The following GALNT17 variants were observed in gnomAD, a reference collection of about 807,000 sequenced individuals.
GALNT17 encodes the protein polypeptide N-acetylgalactosaminyltransferase 17.
In GALNT17, 29 loss-of-function variants were observed where a neutral mutation model predicts 63.7. The observed-to-expected ratio is 0.46, with a 90% CI of 0.34 to 0.62. The LOEUF is 0.62. Ranked by LOEUF, GALNT17 falls within the 20% of genes least tolerant of loss-of-function variation. The pLI, the probability that GALNT17 is intolerant of heterozygous loss-of-function variation, is 0.01. For synonymous variants in GALNT17, 305 were observed against 318.3 expected (o/e 0.96, Z 0.45); for missense variants, 603 against 799.6 (o/e 0.75, Z 2.97).
At chr7:71,608,936 C>T (rs1347192467) in intron 6 of GALNT17, among the ~76,000 whole-genome samples, 1 of 145,360 alleles carries the variant, frequency 6.9e-6, no homozygotes, top group Non-Finnish European at 1.5e-5. Flanking sequence ...CTTACCACCA[C>T]TCCCAGCTAA....
chr7:71,677,429 A>T (rs1292266828), intron 9 of GALNT17, 123 bp downstream of exon 9: 2 of 928,238 alleles, frequency 2.2e-6, no homozygotes, highest in Admixed American at 2.7e-5. Context: ...TCTGAGAAAA[A>T]TTTTTAAGAA....
At chr7:71,537,387 G>A (rs1383070588) in intron 5 of GALNT17, among the ~76,000 whole-genome samples, 2 of 152,124 alleles carry the variant, frequency 1.3e-5, no homozygotes, top group Admixed American at 1.3e-4. Context: ...GAAAGAGGAG[G>A]GCTTCGCAGA....
intron 5 of GALNT17, among the ~76,000 whole-genome samples, chr7:71,520,752 G>T (rs970900593): frequency 6.6e-6 from 1 of 152,140 alleles, no homozygotes; most frequent in African/African-American, 2.4e-5. Flanking sequence ...TAGGCTTGAG[G>T]TGGGAGGGCA....
At chr7:71,636,063 C>G (rs1182051062) in intron 6 of GALNT17, among the ~76,000 whole-genome samples, 1 of 152,190 alleles carries the variant, frequency 6.6e-6, no homozygotes, top group Non-Finnish European at 1.5e-5. Flanking sequence ...TTTACCCAGC[C>G]CCTATTCAAG....
intron 1 of GALNT17, among the ~76,000 whole-genome samples, chr7:71,247,971 A>C (rs1436651702): frequency 6.6e-5 from 10 of 152,226 alleles, no homozygotes; most frequent in Admixed American, 5.9e-4. Context: ...CATCGCCTTC[A>C]CATTGAGTAG....
rs531425725 is a variant in GALNT17 at position 71,602,601 on chromosome 7, T to A, written c.1080+31199T>A. Among the ~76,000 whole-genome samples the A allele has an allele frequency of 3.9e-5, 6 of 152,266 alleles. No individual in the cohort carries two copies. The South Asian group carries it at 1.2e-3, about 32-fold the overall frequency. On this transcript the variant is annotated intron_variant, in intron 6 of 10. Transcript: ENST00000333538. ...GTTTTGCTTCTGCACCCTCTCTCTC[T>A]CTCCCTCTGCAGCTTCTGGGGGATA...
At chr7:71,255,729 T>G (rs539519823) in intron 1 of GALNT17, among the ~76,000 whole-genome samples, 1 of 152,274 alleles carries the variant, frequency 6.6e-6, no homozygotes, top group Non-Finnish European at 1.5e-5. Flanking sequence ...CTGGGGCTTT[T>G]TCAGGGGAGC....
In GALNT17 at chr7:71,261,077, C is replaced by T. The variant is rs148277448; in HGVS notation, c.239-74473C>T. ...TGTGTGCACTTTGGAAGCCCTTGGACAGTTGGAGAAGTCCCCATGCTCAGG... is the reference window on the plus strand; with the variant it reads ...TGTGTGCACTTTGGAAGCCCTTGGATAGTTGGAGAAGTCCCCATGCTCAGG... On this transcript the variant is annotated intron_variant, in intron 1 of 10. Transcript: ENST00000333538. Among the ~76,000 whole-genome samples the T allele has an allele frequency of 2.7e-3, 415 of 152,322 alleles. 2 individuals carry two copies. The highest frequency in any genetic ancestry group is 4.6e-3 in the Non-Finnish European group (316 of 68,038).
intron 2 of GALNT17, among the ~76,000 whole-genome samples, chr7:71,345,160 G>T (rs202147549): frequency 0.021 from 2,492 of 120,756 alleles, 28 homozygotes; most frequent in Non-Finnish European, 0.029. Flanking sequence ...TTTTTTTTTT[G>T]TTTTTTTTTG....
chr7:71,350,402 G>A (rs1276565148), intron 2 of GALNT17, among the ~76,000 whole-genome samples: 2 of 152,030 alleles, frequency 1.3e-5, no homozygotes, highest in Non-Finnish European at 2.9e-5. Flanking sequence ...TGTGATAAAT[G>A]TTTTGAAGTA....
chr7:71,206,463 TTCA>T (rs1789274004), intron 1 of GALNT17, among the ~76,000 whole-genome samples: 1 of 152,112 alleles, frequency 6.6e-6, no homozygotes, highest in Non-Finnish European at 1.5e-5. Flanking sequence ...GAGGCCTGTG[TTCA>T]TCATTTTGTA....
At chr7:71,640,214 C>T (rs1312792161) in intron 6 of GALNT17, among the ~76,000 whole-genome samples, 1 of 152,138 alleles carries the variant, frequency 6.6e-6, no homozygotes, top group African/African-American at 2.4e-5. Context: ...TCCACGCAGA[C>T]TTCTTATTGC....
chr7:71,488,075 C>T (rs1489317501), intron 5 of GALNT17, among the ~76,000 whole-genome samples: 6 of 150,552 alleles, frequency 4.0e-5, no homozygotes, highest in African/African-American at 7.3e-5. Context: ...GAGACCAAGG[C>T]GGAAGGATCG....
At chr7:71,206,351 A>G (rs1032951025) in intron 1 of GALNT17, among the ~76,000 whole-genome samples, 6 of 151,902 alleles carry the variant, frequency 3.9e-5, no homozygotes, top group Non-Finnish European at 7.4e-5. Context: ...TGAATTGACC[A>G]TGTGAGCCAC....
At chr7:71,305,730 G>C (rs1407982455) in intron 1 of GALNT17, among the ~76,000 whole-genome samples, 2 of 152,316 alleles carry the variant, frequency 1.3e-5, no homozygotes, top group African/African-American at 4.8e-5. Flanking sequence ...CCCAGAGCCA[G>C]AGAAGTTTCC....
chr7:71,146,124 G>A (rs536803657), intron 1 of GALNT17, among the ~76,000 whole-genome samples: 8 of 152,222 alleles, frequency 5.3e-5, no homozygotes, highest in South Asian at 2.1e-4. Context: ...CGGTGGAGAC[G>A]GGTGGATGGA....
intron 5 of GALNT17, among the ~76,000 whole-genome samples, chr7:71,534,092 T>C (rs1788762587): frequency 6.6e-6 from 1 of 152,112 alleles, no homozygotes; most frequent in Non-Finnish European, 1.5e-5. Context: ...AAAACAAATG[T>C]AAGGTGTTCG....
chr7:71,625,617 A>C (rs1562714649), intron 6 of GALNT17, among the ~76,000 whole-genome samples: 2 of 152,056 alleles, frequency 1.3e-5, no homozygotes, highest in African/African-American at 4.8e-5. Context: ...GCCCTCGGGA[A>C]CCCTGGGTTT....
chr7:71,207,661 G>T (rs1356591536), intron 1 of GALNT17, among the ~76,000 whole-genome samples: 1 of 152,126 alleles, frequency 6.6e-6, no homozygotes, highest in Non-Finnish European at 1.5e-5. Flanking sequence ...CCATGGGTAA[G>T]TGTCACTCGC....
Sources: allele counts gnomAD v4.1 joint callset (sites outside exome capture counted in the v4.1 genomes callset), GRCh38; gene constraint gnomAD v4.1.1; transcripts MANE v1.5; gene names NCBI Gene and HGNC (gene_info 2026-07-23, HGNC 2026-07-21).